The following ZNF423 variants were observed in gnomAD, a reference collection of about 807,000 sequenced individuals.
The protein encoded by ZNF423 is zinc finger protein 423, also known as Ebf-associated zinc finger protein.
Under a neutral mutation model 95.8 loss-of-function variants are expected in ZNF423, and 12 were observed. The ratio of observed to expected loss-of-function variants is 0.13; its 90% CI spans 0.08 to 0.20. ZNF423 has a LOEUF of 0.20. Among genes scored for constraint, ZNF423 ranks in the 10% least tolerant of loss-of-function variants. The pLI is 1.00. For missense variants in ZNF423, 1,316 were observed against 1,737.1 expected, an observed-to-expected ratio of 0.76 and a Z score of 4.31; for synonymous variants, 749 against 711.9, an observed-to-expected ratio of 1.05 and a Z score of -0.83.
chr16:49,755,725 A>C (rs1268429511), intron 2 of ZNF423, among the ~76,000 whole-genome samples: 1 of 151,620 alleles, frequency 6.6e-6, no homozygotes, highest in Non-Finnish European at 1.5e-5. Flanking sequence ...TTGGTTAAAA[A>C]ATAATAATAA....
chr16:49,833,818 G>A (rs977469922), intron 1 of ZNF423, among the ~76,000 whole-genome samples: 4 of 152,038 alleles, frequency 2.6e-5, no homozygotes, highest in Non-Finnish European at 5.9e-5. Flanking sequence ...CATGTGCAGG[G>A]GGGCAGCAGG....
intron 2 of ZNF423, among the ~76,000 whole-genome samples, chr16:49,736,759 C>T (rs1227234910): frequency 6.6e-6 from 1 of 152,182 alleles, no homozygotes; most frequent in East Asian, 1.9e-4. Context: ...CGCACCACTG[C>T]ACTCCAGCCT....
At chr16:49,761,026 G>A (rs375617737) in intron 2 of ZNF423, among the ~76,000 whole-genome samples, 12 of 144,898 alleles carry the variant, frequency 8.3e-5, no homozygotes, top group East Asian at 4.1e-4. Flanking sequence ...ACATGCACAC[G>A]TACACACACA....
chr16:49,822,734 T>A, intron 1 of ZNF423: 1 of 1,601,776 alleles, frequency 6.2e-7, no homozygotes, highest in African/African-American at 1.3e-5. Context: ...CTCCAGGAAG[T>A]TTTCCTGGGG....
chr16:49,702,738 T>C (rs2032224448), intron 3 of ZNF423, among the ~76,000 whole-genome samples: 1 of 152,228 alleles, frequency 6.6e-6, no homozygotes, highest in Non-Finnish European at 1.5e-5. Context: ...CAGAGATGGA[T>C]GGAAATGTAT....
chr16:49,494,093 C>G (rs1386589817), intron 7 of ZNF423, among the ~76,000 whole-genome samples: 1 of 152,198 alleles, frequency 6.6e-6, no homozygotes, highest in Admixed American at 6.5e-5. Flanking sequence ...ATGGCCCACA[C>G]TGGCTCACCA....
At chr16:49,686,535 C>G (rs118095519) in intron 3 of ZNF423, among the ~76,000 whole-genome samples, 2,474 of 152,182 alleles carry the variant, frequency 0.016, 29 homozygotes, top group Middle Eastern at 0.027. Flanking sequence ...GTACGCCCCA[C>G]ACGGAGGATG....
intron 1 of ZNF423, among the ~76,000 whole-genome samples, chr16:49,797,547 G>A (rs1391919718): frequency 6.6e-6 from 1 of 152,226 alleles, no homozygotes; most frequent in East Asian, 1.9e-4. Context: ...GTGGCGATGT[G>A]TTCAGGCAGT....
intron 1 of ZNF423, among the ~76,000 whole-genome samples, chr16:49,836,445 C>T (rs2144076850): frequency 6.6e-6 from 1 of 152,204 alleles, no homozygotes; most frequent in Middle Eastern, 3.4e-3. Flanking sequence ...TCAGAGTTTA[C>T]AGTCTGCCTC....
At chr16:49,615,481 G>A (rs1971845646) in intron 5 of ZNF423, among the ~76,000 whole-genome samples, 1 of 152,092 alleles carries the variant, frequency 6.6e-6, no homozygotes, top group Admixed American at 6.5e-5. Context: ...AAGGCAGGGT[G>A]GAAACAGGGA....
intron 5 of ZNF423, among the ~76,000 whole-genome samples, chr16:49,536,207 A>G (rs1597068410): frequency 6.6e-6 from 1 of 152,176 alleles, no homozygotes; most frequent in East Asian, 1.9e-4. Context: ...TGCAGTTACT[A>G]GTACTCAAAG....
chr16:49,541,723 T>G (rs921633509), intron 5 of ZNF423, among the ~76,000 whole-genome samples: 7 of 152,088 alleles, frequency 4.6e-5, no homozygotes, highest in African/African-American at 1.7e-4. Context: ...ATGGGGGCAG[T>G]TCCCCCCATG....
intron 3 of ZNF423, among the ~76,000 whole-genome samples, chr16:49,684,036 A>C (rs2031470585): frequency 6.6e-6 from 1 of 152,122 alleles, no homozygotes; most frequent in African/African-American, 2.4e-5. Context: ...GTGCCACTGC[A>C]CTCCAGCCTG....
intron 3 of ZNF423, among the ~76,000 whole-genome samples, chr16:49,703,483 AC>A (rs2032256700): frequency 6.6e-6 from 1 of 152,196 alleles, no homozygotes; most frequent in Admixed American, 6.5e-5. Context: ...TGGATCTGGG[AC>A]CAGAATCCTA....
At chr16:49,585,310 C>CGGCCT (rs1277110017) in intron 5 of ZNF423, among the ~76,000 whole-genome samples, 1 of 152,172 alleles carries the variant, frequency 6.6e-6, no homozygotes, top group East Asian at 1.9e-4. Flanking sequence ...GGCACTGACT[C>CGGCCT]GGCCTCTCAG....
chr16:49,594,558 C>T (rs1475071631), intron 5 of ZNF423, among the ~76,000 whole-genome samples: 2 of 152,118 alleles, frequency 1.3e-5, no homozygotes, highest in Non-Finnish European at 2.9e-5. Context: ...AAGATAGACA[C>T]AAAAACACAG....
intron 5 of ZNF423, among the ~76,000 whole-genome samples, chr16:49,624,765 A>AT (rs1265357010): frequency 6.6e-6 from 1 of 152,192 alleles, no homozygotes; most frequent in African/African-American, 2.4e-5. Flanking sequence ...AGAAACTGTG[A>AT]TTCCATTTCC....
At chr16:49,857,424 C>T (rs116634482), upstream of ZNF423, among the ~76,000 whole-genome samples, 2,467 of 152,074 alleles carry the variant, frequency 0.016, 55 homozygotes, top group African/African-American at 0.056. The surrounding 1 kb of genome is among the most constrained non-coding windows in gnomAD (Gnocchi z 6.2). Flanking sequence ...ACTTAGGGCC[C>T]ACGCGGCTGT....
At chr16:49,763,968 C>G (rs563403963) in intron 2 of ZNF423, among the ~76,000 whole-genome samples, 61 of 152,326 alleles carry the variant, frequency 4.0e-4, no homozygotes, top group African/African-American at 1.3e-3. Context: ...TCTGACGGAC[C>G]TTTGTGCAGA....
Sources: gnomAD v4.1 joint callset for allele counts (sites outside exome capture counted in the v4.1 genomes callset) on GRCh38, gnomAD v4.1.1 for gene constraint, Gnocchi (gnomAD v3.1) non-coding constraint, MANE v1.5 for transcripts, NCBI Gene and HGNC (gene_info 2026-07-23, HGNC 2026-07-21) for gene names.